The following BCL2L15 variants were observed in gnomAD, a reference collection of about 807,000 sequenced individuals.
The protein encoded by BCL2L15 is BCL2 like 15.
In BCL2L15, 15 loss-of-function variants were observed where a neutral mutation model predicts 18.3. The ratio of observed to expected loss-of-function variants is 0.82; its 90% CI spans 0.55 to 1.26. The LOEUF is 1.26. BCL2L15 is among the 50% of genes most tolerant of loss of function. The probability of loss-of-function intolerance (pLI) is 0.00; values close to 1 mark genes in which losing one functional copy is unlikely to be tolerated. For missense variants in BCL2L15, 180 were observed against 201.7 expected, an observed-to-expected ratio of 0.89 and a Z score of 0.65; for synonymous variants, 58 against 68.5, an observed-to-expected ratio of 0.85 and a Z score of 0.76.
chr1:113,881,149 G>A lies in BCL2L15; in HGVS notation c.475-9C>T, dbSNP rs1666869536. 1 of 1,614,118 alleles carries A rather than the reference G, an allele frequency of 6.2e-7. No individual in the cohort carries two copies. The highest frequency in any genetic ancestry group is 8.5e-7 in the Non-Finnish European group (1 of 1,179,998). ...CAGCTCTCCAGATTTTCCTAGGGAA[G>A]ACAGAGAAAATCCTACAGTCAAAGG... On this transcript the variant is annotated splice_polypyrimidine_tract_variant and intron_variant, in intron 3 of 3. Transcript: ENST00000393316.
chr1:113,882,775 T>C (rs1458206283), intron 2 of BCL2L15, among the ~76,000 whole-genome samples: 1 of 146,554 alleles, frequency 6.8e-6, no homozygotes, highest in East Asian at 1.9e-4. Flanking sequence ...CCTGTCTCTA[T>C]GAAAAATTTT....
In BCL2L15 at chr1:113,881,992, T is replaced by TC; in HGVS notation, c.254dup (p.Ala86SerfsTer24). 2 of 1,612,124 alleles carry TC rather than the reference T, an allele frequency of 1.2e-6. No homozygotes were observed. The highest frequency in any genetic ancestry group is 2.2e-5 in the South Asian group (2 of 90,968). ...ATTCCACAGTGTCCTGGAGTATAGC[T>TC]CCTGTCTGAGGAAAGACAAAGGAAA... On this transcript the variant is annotated frameshift_variant, in exon 3 of 4. Coordinates refer to ENST00000393316, the MANE Select transcript of BCL2L15 (RefSeq NM_001010922.3). LOFTEE classifies it high-confidence loss of function.
chr1:113,886,925 C>T (rs565354388), intron 1 of BCL2L15, among the ~76,000 whole-genome samples: 98 of 149,774 alleles, frequency 6.5e-4, no homozygotes, highest in Non-Finnish European at 1.1e-3. Flanking sequence ...TTTTTGAGAC[C>T]GAGTCTCTGT....
rs1667076550 is a variant in BCL2L15, at chr1:113,887,532, C to T, written c.-157G>A. On this transcript the variant is annotated 5_prime_UTR_variant, in exon 1 of 4. It adds an upstream start codon to the 5' untranslated region. Coordinates refer to ENST00000393316, the MANE Select transcript of BCL2L15 (RefSeq NM_001010922.3). The stretch of plus-strand genomic sequence containing the variant: ...TTTTCCCACTAGCTTTCTTCAAACA[C>T]AGCTGCTCAGAAAGGTGGGACTTCT... 3.1e-6 allele frequency: 3 copies of T among 955,146 alleles called. No homozygotes were observed. The highest frequency in any genetic ancestry group is 4.7e-6 in the Non-Finnish European group (3 of 641,696). 59.2% of individuals were successfully genotyped at this position (955,146 alleles called of 1,614,324 possible).
At position 113,883,338 on chromosome 1, in the gene BCL2L15, T is replaced by G. The variant is rs568041474; in HGVS notation, c.250-1341A>C. Among the ~76,000 whole-genome samples, 3 of 149,870 alleles carry G rather than the reference T, an allele frequency of 2.0e-5. No homozygotes were observed. In the South Asian group the frequency reaches 6.4e-4, roughly 32 times the overall value. ...TCTACTAAAAATACAAAAAATTAGC[T>G]GGGTGTGGTGGTATGCACCTGTAAT... On this transcript the variant is annotated intron_variant, in intron 2 of 3. Coordinates refer to ENST00000393316, the MANE Select transcript of BCL2L15 (RefSeq NM_001010922.3).
At chr1:113,881,739 T>A in intron 3 of BCL2L15, 34 bp downstream of exon 3, 1 of 1,603,502 alleles carries the variant, frequency 6.2e-7, no homozygotes, top group Admixed American at 1.7e-5. Context: ...ACAGTGCAAA[T>A]ACCTAGCAAA....
rs996330051 is a variant in BCL2L15, at chr1:113,887,250, T to G, written c.126A>C (p.Ser42=). 3 of 1,613,522 alleles carry G rather than the reference T, an allele frequency of 1.9e-6. No individual in the cohort carries two copies. In the African/African-American group the frequency reaches 4.0e-5, roughly 22 times the overall value. The change falls in exon 1 of 4, where the codon TCA becomes TCC. Residue 42 remains serine, a splice_region_variant and synonymous_variant. Coordinates refer to ENST00000393316, the MANE Select transcript of BCL2L15 (RefSeq NM_001010922.3). ...CACCGCCTAGGGCAGGAACCTTACC[T>G]GAATCTACTTCATCTACACAGCATA... ...RNLCCVDEVD[S]GEPCSFDVAI... is the part of the protein sequence containing the mutation.
At position 113,877,200 on chromosome 1, in the gene BCL2L15, G is replaced by C. The variant is rs150979611; in HGVS notation, c.*3923C>G. Among the ~76,000 whole-genome samples the C allele has an allele frequency of 1.1e-3, 166 of 152,174 alleles. No homozygotes were observed. Among genetic ancestry groups the C allele is most frequent in the African/African-American group, 3.7e-3 (155 of 41,512 alleles). ...TTTAGTGACTGGCTCGGTTATACTA[G>C]AGCATTGGGATTGTAGAGGAGAATC... On this transcript the variant is annotated 3_prime_UTR_variant, in exon 4 of 4. Transcript: ENST00000393316.
chr1:113,883,007 C>A (rs748950123), intron 2 of BCL2L15, among the ~76,000 whole-genome samples: 9 of 152,028 alleles, frequency 5.9e-5, no homozygotes, highest in Non-Finnish European at 1.2e-4. Flanking sequence ...GTAGCTCTTC[C>A]TTTTCCTCTT....
Position 113,886,785 on chromosome 1 carries a change from A to G in BCL2L15, c.128-127T>C, listed in dbSNP as rs543345556. 3.4e-6 allele frequency: 3 copies of G among 875,474 alleles called. No individual in the cohort carries two copies. In the East Asian group the frequency reaches 8.2e-5, roughly 24 times the overall value. The allele number at this position is 875,474 out of a possible 1,614,324, so 54.2% of individuals were successfully genotyped here. ...ATATCATGATCTCCCAAGAGCTTAA[A>G]TGTTCTGTCAACACCAATAGTCAGA... On this transcript the variant is annotated intron_variant, in intron 1 of 3. Coordinates refer to ENST00000393316, the MANE Select transcript of BCL2L15 (RefSeq NM_001010922.3).
In BCL2L15 at chr1:113,881,104, C is replaced by G; in HGVS notation, c.*19G>C. 1 of 1,614,110 alleles carries G rather than the reference C, an allele frequency of 6.2e-7. No individual in the cohort carries two copies. The highest frequency in any genetic ancestry group is 8.5e-7 in the Non-Finnish European group (1 of 1,179,978). The stretch of plus-strand genomic sequence containing the variant: ...TCAACAAGGAAGTGATGTTCAGTCT[C>G]GTGAATAGCTCCAACTCTTCAGCTC... On this transcript the variant is annotated 3_prime_UTR_variant, in exon 4 of 4. Coordinates refer to ENST00000393316, the MANE Select transcript of BCL2L15 (RefSeq NM_001010922.3).
At position 113,887,570 on chromosome 1, in the gene BCL2L15, C is replaced by T. The variant is rs1667077545; in HGVS notation, c.-195G>A. The T allele has an allele frequency of 1.6e-6, 1 of 616,504 alleles. No individual in the cohort carries two copies. The allele number at this position is 616,504 out of a possible 1,614,324, so 38.2% of individuals were successfully genotyped here. A position where few individuals can be genotyped will look rare whatever the true frequency, so the allele number is the denominator to read the frequency against. On this transcript the variant is annotated 5_prime_UTR_variant, in exon 1 of 4. Transcript: ENST00000393316. ...AGGTGGGACTTCTCAGAAGGATTAC[C>T]TACTTGGAACTGGGGAGACTTTAAA...
At position 113,881,999 on chromosome 1, in the gene BCL2L15, T is replaced by C. The variant is rs866403177; in HGVS notation, c.250-2A>G. ...AGTGTCCTGGAGTATAGCTCCTGTCTGAGGAAAGACAAAGGAAACATCAAC... is the reference window on the plus strand; with the variant it reads ...AGTGTCCTGGAGTATAGCTCCTGTCCGAGGAAAGACAAAGGAAACATCAAC... On this transcript the variant is annotated splice_acceptor_variant, in intron 2 of 3. Coordinates refer to ENST00000393316, the MANE Select transcript of BCL2L15 (RefSeq NM_001010922.3). LOFTEE classifies it high-confidence loss of function. The C allele has an allele frequency of 6.2e-7, 1 of 1,610,474 alleles. No homozygotes were observed.
At chr1:113,886,681 G>A (rs372771274) in intron 1 of BCL2L15, 23 bp from the exon 2 acceptor site, 3 of 1,577,208 alleles carry the variant, frequency 1.9e-6, no homozygotes, top group Non-Finnish European at 2.6e-6. Flanking sequence ...GAACACATTT[G>A]TTACAATGCT....
chr1:113,885,834 G>A (rs1667014365), intron 2 of BCL2L15, among the ~76,000 whole-genome samples: 1 of 151,804 alleles, frequency 6.6e-6, no homozygotes. Flanking sequence ...CTTGAACCCG[G>A]TGGGTGGAGG....
In BCL2L15 at chr1:113,879,661, C is replaced by G. The variant is rs563082790; in HGVS notation, c.*1462G>C. 6.6e-6 allele frequency: 1 copy of G among 152,218 alleles called. No individual in the cohort carries two copies. The highest frequency in any genetic ancestry group is 2.1e-4 in the South Asian group (1 of 4,828). The allele number at this position is 152,218 out of a possible 1,614,324, so 9.4% of individuals were successfully genotyped here. A position where few individuals can be genotyped will look rare whatever the true frequency, so the allele number is the denominator to read the frequency against. On this transcript the variant is annotated 3_prime_UTR_variant, in exon 4 of 4. Transcript: ENST00000393316. Reference sequence around the variant, plus strand: ...AGGACTGTAATAGAGTTTCAGTTACCAAGGAGAAATGTTGATTTAGAGAAG... The same window carrying G: ...AGGACTGTAATAGAGTTTCAGTTACGAAGGAGAAATGTTGATTTAGAGAAG...
At chr1:113,885,601 T>G (rs918146609) in intron 2 of BCL2L15, among the ~76,000 whole-genome samples, 4 of 152,182 alleles carry the variant, frequency 2.6e-5, no homozygotes, top group African/African-American at 9.6e-5. Flanking sequence ...TTTGTATTTT[T>G]GGTAGAGACA....
intron 2 of BCL2L15, among the ~76,000 whole-genome samples, chr1:113,883,669 A>G (rs971053085): frequency 6.6e-6 from 1 of 151,732 alleles, no homozygotes; most frequent in Non-Finnish European, 1.5e-5. Context: ...CTGTAGTCCC[A>G]GCTACTCAGG....
rs142883498 is a variant in BCL2L15 at position 113,886,906 on chromosome 1, G to GTT, written c.128-250_128-249dup. Among the ~76,000 whole-genome samples, 1,452 of 145,212 alleles carry GTT rather than the reference G, an allele frequency of 1.0e-2. 24 individuals carry two copies. Among genetic ancestry groups the GTT allele is most frequent in the African/African-American group, 0.034 (1,363 of 39,646 alleles). On this transcript the variant is annotated intron_variant, in intron 1 of 3. Transcript: ENST00000393316. ...TTAAAGGAAATAAATAAAATATACTGTTTTTTTTTTTTTGAGACCGAGTCT... is the reference window on the plus strand; with the variant it reads ...TTAAAGGAAATAAATAAAATATACTGTTTTTTTTTTTTTTTGAGACCGAGTCT...
Sources: gnomAD v4.1 joint callset for allele counts (sites outside exome capture counted in the v4.1 genomes callset) on GRCh38, gnomAD v4.1.1 for gene constraint, MANE v1.5 for transcripts, NCBI Gene and HGNC (gene_info 2026-07-23, HGNC 2026-07-21) for gene names.